CDK6: variants seen among roughly 807,000 people sequenced by gnomAD.
The protein encoded by CDK6 is cyclin-dependent kinase 6.
In CDK6, 6 loss-of-function variants were observed where a neutral mutation model predicts 37.1. That is an observed-to-expected ratio of 0.16 (90% CI 0.09 to 0.32). The LOEUF (loss-of-function observed/expected upper bound fraction) is 0.32, where lower values mean the gene tolerates loss of function less well. Among genes scored for constraint, CDK6 ranks in the 10% least tolerant of loss-of-function variants. The pLI is 1.00. For missense variants in CDK6, 224 were observed against 418.9 expected, an observed-to-expected ratio of 0.53 and a Z score of 4.06; for synonymous variants, 160 against 161.3, an observed-to-expected ratio of 0.99 and a Z score of 0.06.
chr7:92,820,299 T>C (rs910443572), intron 2 of CDK6, among the ~76,000 whole-genome samples: 1 of 152,110 alleles, frequency 6.6e-6, no homozygotes, highest in African/African-American at 2.4e-5. Flanking sequence ...ATCAGCTTCA[T>C]AGGGTTATAA....
intron 3 of CDK6, among the ~76,000 whole-genome samples, chr7:92,737,275 T>C (rs1798810807): frequency 6.6e-6 from 1 of 152,238 alleles, no homozygotes; most frequent in Non-Finnish European, 1.5e-5. Context: ...TAACACTCTA[T>C]TAAGATCAAC....
At chr7:92,782,995 C>T (rs545084651) in intron 2 of CDK6, among the ~76,000 whole-genome samples, 142 of 152,286 alleles carry the variant, frequency 9.3e-4, no homozygotes, top group African/African-American at 3.3e-3. Context: ...CCTTAAATGG[C>T]TCCTCCATTC....
At position 92,609,109 on chromosome 7, in the gene CDK6, A is replaced by G. The variant is rs1795504402; in HGVS notation, c.*6031T>C. On this transcript the variant is annotated 3_prime_UTR_variant, in exon 8 of 8. Transcript: ENST00000424848. ...AGTGTATGTGGCATTTTGGTTCAGT[A>G]TGAATTACTGAGACTCATCTGCTTG... is the stretch of plus-strand genomic sequence containing the variant. The G allele has an allele frequency of 4.3e-6, 1 of 232,918 alleles. No homozygotes were observed. Among genetic ancestry groups the G allele is most frequent in the South Asian group, 1.8e-4 (1 of 5,536 alleles). The allele number at this position is 232,918 out of a possible 1,614,324, so 14.4% of individuals were successfully genotyped here. A position where few individuals can be genotyped will look rare whatever the true frequency, so the allele number is the denominator to read the frequency against.
chr7:92,620,326 G>T (rs1027566504), intron 6 of CDK6, among the ~76,000 whole-genome samples: 1 of 152,032 alleles, frequency 6.6e-6, no homozygotes, highest in East Asian at 1.9e-4. Flanking sequence ...TCTGATTCCT[G>T]TAATAATTTC....
At chr7:92,748,360 T>A (rs949124939) in intron 3 of CDK6, among the ~76,000 whole-genome samples, 1 of 152,154 alleles carries the variant, frequency 6.6e-6, no homozygotes, top group African/African-American at 2.4e-5. Context: ...AAAGGCTCCA[T>A]GCAAAATCTA....
At chr7:92,690,384 C>T (rs1778837772) in intron 4 of CDK6, among the ~76,000 whole-genome samples, 1 of 152,018 alleles carries the variant, frequency 6.6e-6, no homozygotes, top group African/African-American at 2.4e-5. Context: ...GAATCCTTTC[C>T]TTATTGTTTG....
intron 2 of CDK6, among the ~76,000 whole-genome samples, chr7:92,807,343 A>G (rs1038896289): frequency 1.3e-5 from 2 of 152,060 alleles, no homozygotes; most frequent in Non-Finnish European, 2.9e-5. Context: ...AGAGATGTAT[A>G]TATCTCCAGA....
In CDK6 at chr7:92,624,501, C is replaced by T. The variant is rs562088617; in HGVS notation, c.648-1415G>A. 2.6e-5 allele frequency among the ~76,000 whole-genome samples: 4 copies of T among 152,236 alleles called. No individual in the cohort carries two copies. The East Asian group carries it at 7.7e-4, about 29-fold the overall frequency. On this transcript the variant is annotated intron_variant, in intron 5 of 7. Coordinates refer to ENST00000424848, the MANE Select transcript of CDK6 (RefSeq NM_001145306.2). Reference sequence around the variant, plus strand: ...AAACCAAACCTGCTGACACCTTCATCTTGGACTTCCAGCCTCCAGAACTGT... The same window carrying T: ...AAACCAAACCTGCTGACACCTTCATTTTGGACTTCCAGCCTCCAGAACTGT...
At chr7:92,766,524 G>A (rs1040799732) in intron 3 of CDK6, among the ~76,000 whole-genome samples, 1 of 152,174 alleles carries the variant, frequency 6.6e-6, no homozygotes, top group Non-Finnish European at 1.5e-5. Flanking sequence ...TGGAGAATAG[G>A]TATTTGAAGA....
chr7:92,744,208 A>G (rs963325812), intron 3 of CDK6, among the ~76,000 whole-genome samples: 3 of 152,166 alleles, frequency 2.0e-5, no homozygotes, highest in African/African-American at 7.2e-5. Flanking sequence ...GGTAACTTAC[A>G]AAGAGTAAGA....
At chr7:92,647,659 A>C (rs554392010) in intron 5 of CDK6, among the ~76,000 whole-genome samples, 1 of 152,366 alleles carries the variant, frequency 6.6e-6, no homozygotes, top group East Asian at 1.9e-4. Context: ...AAGTAAACAA[A>C]GCAAAGATCC....
chr7:92,792,856 T>C (rs1020023059), intron 2 of CDK6, among the ~76,000 whole-genome samples: 6 of 151,750 alleles, frequency 4.0e-5, no homozygotes, highest in African/African-American at 1.5e-4. Context: ...AAGCAATAGT[T>C]TGGGAAGTTA....
At chr7:92,621,034 C>T (rs1307639825) in intron 6 of CDK6, among the ~76,000 whole-genome samples, 2 of 152,212 alleles carry the variant, frequency 1.3e-5, no homozygotes, top group East Asian at 1.9e-4. Context: ...ATTAAAAATG[C>T]TTGCACTTAA....
rs1040763100 is a variant in CDK6 at position 92,833,031 on chromosome 7, G to A, written c.233+60C>T. On this transcript the variant is annotated intron_variant, in intron 2 of 7. Transcript: ENST00000424848. This position sits in a 1 kb window ranked among gnomAD's most constrained non-coding sequence, Gnocchi z 6.1. ...ACCTTTCTGGGCCTGAGGATTCCCG[G>A]CTCGGCCCTCCCCGCGCGCGCGAGG... is the stretch of plus-strand genomic sequence containing the variant. The A allele has an allele frequency of 4.8e-6, 6 of 1,253,484 alleles. No individual in the cohort carries two copies. The highest frequency in any genetic ancestry group is 1.4e-5 in the South Asian group (1 of 72,544). The allele number at this position is 1,253,484 out of a possible 1,614,324, so 77.6% of individuals were successfully genotyped here.
At chr7:92,759,710 A>AG (rs994731284) in intron 3 of CDK6, among the ~76,000 whole-genome samples, 8 of 151,414 alleles carry the variant, frequency 5.3e-5, no homozygotes, top group African/African-American at 1.5e-4. Flanking sequence ...AAAAAAAAAA[A>AG]AAAAAAGAAA....
chr7:92,629,111 GA>G (rs1311735122), intron 5 of CDK6, among the ~76,000 whole-genome samples: 1 of 151,998 alleles, frequency 6.6e-6, no homozygotes, highest in East Asian at 1.9e-4. Context: ...TAATGACAAG[GA>G]AAGACCGTGG....
At chr7:92,624,977 AT>A (rs34635850) in intron 5 of CDK6, among the ~76,000 whole-genome samples, 4 of 151,058 alleles carry the variant, frequency 2.6e-5, no homozygotes, top group African/African-American at 2.4e-5. Flanking sequence ...ATTTTTCAAG[AT>A]TTTTTTTTGA....
chr7:92,623,671 A>C (rs1265545755), intron 5 of CDK6, among the ~76,000 whole-genome samples: 1 of 152,176 alleles, frequency 6.6e-6, no homozygotes, highest in African/African-American at 2.4e-5. Flanking sequence ...TGTCTGCTTC[A>C]AACACACAGC....
chr7:92,727,634 T>G (rs1798543904), intron 3 of CDK6, among the ~76,000 whole-genome samples: 1 of 152,156 alleles, frequency 6.6e-6, no homozygotes, highest in Non-Finnish European at 1.5e-5. Flanking sequence ...ACATGACCAC[T>G]GCTACAAGGT....
Sources: gnomAD v4.1 joint callset for allele counts (sites outside exome capture counted in the v4.1 genomes callset) on GRCh38, gnomAD v4.1.1 for gene constraint, Gnocchi (gnomAD v3.1) non-coding constraint, MANE v1.5 for transcripts, NCBI Gene and HGNC (gene_info 2026-07-23, HGNC 2026-07-21) for gene names.